INPP4B: variants seen among roughly 807,000 people sequenced by gnomAD.
INPP4B encodes inositol polyphosphate 4-phosphatase type II.
In INPP4B, 55 loss-of-function variants were observed where a neutral mutation model predicts 122.5. The ratio of observed to expected loss-of-function variants is 0.45; its 90% CI spans 0.36 to 0.56. INPP4B has a LOEUF of 0.56. INPP4B is among the 20% of genes least tolerant of loss of function. The pLI, the probability that INPP4B is intolerant of heterozygous loss-of-function variation, is 0.00. For missense variants in INPP4B, 1,000 were observed against 1,097.7 expected (o/e 0.91, Z 1.26); for synonymous variants, 403 against 388.7 (o/e 1.04, Z -0.43).
At chr4:142,079,469 C>G (rs1254781232) in intron 25 of INPP4B, among the ~76,000 whole-genome samples, 1 of 151,936 alleles carries the variant, frequency 6.6e-6, no homozygotes, top group Non-Finnish European at 1.5e-5. Flanking sequence ...AAAATATTGT[C>G]AGAATCCAGA....
intron 23 of INPP4B, among the ~76,000 whole-genome samples, chr4:142,095,177 CTCTA>C (rs1781293217): frequency 1.3e-5 from 2 of 152,124 alleles, no homozygotes; most frequent in Non-Finnish European, 2.9e-5. Context: ...GAGAGTTTCA[CTCTA>C]TCTGACATTC....
At chr4:142,599,458 AT>A (rs1268382017) in intron 2 of INPP4B, among the ~76,000 whole-genome samples, 1 of 152,208 alleles carries the variant, frequency 6.6e-6, no homozygotes, top group Non-Finnish European at 1.5e-5. Context: ...AGAATATGCT[AT>A]GGCACACAGC....
At chr4:142,101,490 T>C (rs1784455959) in intron 23 of INPP4B, among the ~76,000 whole-genome samples, 1 of 152,164 alleles carries the variant, frequency 6.6e-6, no homozygotes, top group South Asian at 2.1e-4. Context: ...TATCAATTTA[T>C]ACTCTGTTTC....
intron 9 of INPP4B, among the ~76,000 whole-genome samples, chr4:142,284,802 C>G (rs369633168): frequency 2.0e-5 from 3 of 152,092 alleles, no homozygotes; most frequent in East Asian, 3.9e-4. Flanking sequence ...GTCAAGTTTC[C>G]CCAGCCTGTT....
At chr4:142,770,282 C>G (rs1772841880) in intron 1 of INPP4B, among the ~76,000 whole-genome samples, 1 of 151,614 alleles carries the variant, frequency 6.6e-6, no homozygotes, top group African/African-American at 2.4e-5. Flanking sequence ...GGTCCAATAT[C>G]AATGTTCCAT....
At chr4:142,722,868 C>T (rs1239568015) in intron 2 of INPP4B, among the ~76,000 whole-genome samples, 3 of 152,096 alleles carry the variant, frequency 2.0e-5, no homozygotes, top group Admixed American at 6.5e-5. Flanking sequence ...TGGTCACTAA[C>T]TTATTAATCA....
intron 2 of INPP4B, among the ~76,000 whole-genome samples, chr4:142,602,542 A>G (rs908054679): frequency 2.0e-5 from 3 of 152,228 alleles, no homozygotes; most frequent in Non-Finnish European, 2.9e-5. Flanking sequence ...CCCATTAAAA[A>G]GCAGGCCAGA....
intron 7 of INPP4B, among the ~76,000 whole-genome samples, chr4:142,361,278 C>A (rs1322862829): frequency 3.9e-5 from 6 of 151,960 alleles, no homozygotes; most frequent in Admixed American, 6.6e-5. Flanking sequence ...ATTAGAATAT[C>A]TTCAAAACCC....
chr4:142,246,986 A>G (rs890105603), intron 11 of INPP4B, among the ~76,000 whole-genome samples: 4 of 152,146 alleles, frequency 2.6e-5, no homozygotes, highest in Admixed American at 2.6e-4. Flanking sequence ...TACCTACTTT[A>G]TTGAGAGTTT....
chr4:142,705,316 G>A (rs538115865), intron 2 of INPP4B, among the ~76,000 whole-genome samples: 3 of 152,180 alleles, frequency 2.0e-5, no homozygotes, highest in East Asian at 1.9e-4. Flanking sequence ...CACATTCACT[G>A]AATGTATCAT....
At chr4:142,507,216 G>A (rs1370466912) in intron 2 of INPP4B, among the ~76,000 whole-genome samples, 2 of 152,250 alleles carry the variant, frequency 1.3e-5, no homozygotes, top group East Asian at 3.9e-4. Flanking sequence ...CCTTCAGGAT[G>A]GGCATGGTGT....
chr4:142,435,559 C>T (rs889419565), intron 3 of INPP4B, among the ~76,000 whole-genome samples: 13 of 151,926 alleles, frequency 8.6e-5, no homozygotes, highest in Admixed American at 7.2e-4. Context: ...AAAGAGCATA[C>T]AAATCCTGCA....
At chr4:142,305,564 A>G (rs1197596727) in intron 8 of INPP4B, 27 bp from the exon 9 acceptor site, 1 of 1,596,996 alleles carries the variant, frequency 6.3e-7, no homozygotes, top group Admixed American at 1.7e-5. Context: ...GAATGGTTTC[A>G]TTAACTTGAG....
At chr4:142,719,448 C>T (rs900927034) in intron 2 of INPP4B, among the ~76,000 whole-genome samples, 17 of 151,960 alleles carry the variant, frequency 1.1e-4, no homozygotes, top group Admixed American at 2.0e-4. Flanking sequence ...CCTCAGCCTC[C>T]TGAGTAGCTA....
At chr4:142,772,775 T>G (rs951059808) in intron 1 of INPP4B, among the ~76,000 whole-genome samples, 1 of 152,186 alleles carries the variant, frequency 6.6e-6, no homozygotes, top group Non-Finnish European at 1.5e-5. Context: ...CCAGGTGTGG[T>G]GGCACACGCC....
At chr4:142,348,791 ATC>A (rs1781085630) in intron 7 of INPP4B, among the ~76,000 whole-genome samples, 1 of 152,034 alleles carries the variant, frequency 6.6e-6, no homozygotes, top group Non-Finnish European at 1.5e-5. Context: ...GCAAAACCTT[ATC>A]TGTCATAAGA....
chr4:142,318,568 A>G (rs1423724720), intron 7 of INPP4B, among the ~76,000 whole-genome samples: 1 of 152,192 alleles, frequency 6.6e-6, no homozygotes, highest in Non-Finnish European at 1.5e-5. Context: ...TTCCTGGAAC[A>G]TAAGAATGTC....
chr4:142,202,099 G>C (rs185944471), intron 14 of INPP4B, among the ~76,000 whole-genome samples: 12 of 151,974 alleles, frequency 7.9e-5, no homozygotes, highest in Admixed American at 7.9e-4. Flanking sequence ...TGTGAAAATT[G>C]CATAGTATCC....
chr4:142,299,391 G>A (rs1760358978), intron 9 of INPP4B, among the ~76,000 whole-genome samples: 1 of 151,924 alleles, frequency 6.6e-6, no homozygotes, highest in Non-Finnish European at 1.5e-5. Flanking sequence ...CTGAGCTAAA[G>A]GGATCCTCTT....
Sources: allele counts gnomAD v4.1 joint callset (sites outside exome capture counted in the v4.1 genomes callset), GRCh38; gene constraint gnomAD v4.1.1; transcripts MANE v1.5; gene names NCBI Gene and HGNC (gene_info 2026-07-23, HGNC 2026-07-21).